Variants in DCTN2 observed in about 807,000 individuals in gnomAD.
The protein encoded by DCTN2 is dynactin subunit 2.
DCTN2 carries 18 observed loss-of-function variants against 55.4 expected under a neutral mutation model. That is an observed-to-expected ratio of 0.32 (90% CI 0.22 to 0.48). The LOEUF is 0.48. Among genes scored for constraint, DCTN2 ranks in the 20% least tolerant of loss-of-function variants. The probability of loss-of-function intolerance (pLI) is 0.99; values close to 1 mark genes in which losing one functional copy is unlikely to be tolerated. For synonymous variants in DCTN2, 168 were observed against 185.2 expected, an observed-to-expected ratio of 0.91 and a Z score of 0.76; for missense variants, 390 against 491.0, an observed-to-expected ratio of 0.79 and a Z score of 1.94.
chr12:57,533,057 T>C (rs1189233997), intron 8 of DCTN2, 35 bp from the exon 9 acceptor site: 2 of 1,580,446 alleles, frequency 1.3e-6, no homozygotes, highest in Non-Finnish European at 1.7e-6. Context: ...TGAGTGGTCC[T>C]TATATCTCCA....
chr12:57,533,928 C>A, intron 7 of DCTN2, 25 bp downstream of exon 7: 1 of 1,580,726 alleles, frequency 6.3e-7, no homozygotes, highest in East Asian at 2.3e-5. Context: ...CTTGGCTTCC[C>A]AACCAACACT....
chr12:57,540,994 T>C (rs1880644791), intron 2 of DCTN2, among the ~76,000 whole-genome samples: 1 of 152,144 alleles, frequency 6.6e-6, no homozygotes. Flanking sequence ...TAGCTAAAAG[T>C]CATTCCATAA....
Position 57,530,611 on chromosome 12 carries a change from A to AAT in DCTN2, c.*77_*78insAT. 2.3e-6 allele frequency: 3 copies of AAT among 1,286,010 alleles called. No individual in the cohort carries two copies. The highest frequency in any genetic ancestry group is 3.3e-6 in the Non-Finnish European group (3 of 903,840). 79.7% of individuals were successfully genotyped at this position (1,286,010 alleles called of 1,614,324 possible). A position where few individuals can be genotyped will look rare whatever the true frequency, so the allele number is the denominator to read the frequency against. On this transcript the variant is annotated 3_prime_UTR_variant, in exon 14 of 14. Transcript: ENST00000548249. ...GGATGGGGATGCTAGAGTTATAGTA[A>AAT]AGGGGAAACCCTATGTAAGCTGTTA...
At chr12:57,546,827 G>A (rs1053954728) in intron 1 of DCTN2, among the ~76,000 whole-genome samples, 2 of 152,226 alleles carry the variant, frequency 1.3e-5, no homozygotes, top group African/African-American at 4.8e-5. Context: ...CGGAAAGGGG[G>A]CCTGGTGCGC....
At chr12:57,536,664 G>A (rs187441640) in intron 2 of DCTN2, among the ~76,000 whole-genome samples, 18 of 152,246 alleles carry the variant, frequency 1.2e-4, no homozygotes, top group African/African-American at 4.3e-4. Flanking sequence ...AAAAACAGGG[G>A]ACACAAGTAG....
In DCTN2 at chr12:57,530,455, G is replaced by T; in HGVS notation, c.*234C>A. The T allele has an allele frequency of 2.1e-6, 1 of 466,308 alleles. No individual in the cohort carries two copies. Among genetic ancestry groups the T allele is most frequent in the African/African-American group, 1.9e-5 (1 of 51,862 alleles). The allele number at this position is 466,308 out of a possible 1,614,324, so 28.9% of individuals were successfully genotyped here. On this transcript the variant is annotated 3_prime_UTR_variant, in exon 14 of 14. Transcript: ENST00000548249. Reference sequence around the variant, plus strand: ...TGAGTTGGCATGTGGCTGGGCCCACGTCCTTATCCCCCAGGCCTGAGGGGA... The same window carrying T: ...TGAGTTGGCATGTGGCTGGGCCCACTTCCTTATCCCCCAGGCCTGAGGGGA...
At chr12:57,535,894 G>T in intron 2 of DCTN2, 49 bp from the exon 3 acceptor site, 1 of 1,427,942 alleles carries the variant, frequency 7.0e-7, no homozygotes, top group South Asian at 1.2e-5. Flanking sequence ...TCCCACTCTA[G>T]AACTTACTCT....
chr12:57,535,135 A>G lies in DCTN2; in HGVS notation c.284T>C (p.Val95Ala), dbSNP rs1399060998. 5 of 1,613,324 alleles carry G rather than the reference A, an allele frequency of 3.1e-6. No individual in the cohort carries two copies. In the South Asian group the frequency reaches 5.5e-5, roughly 18 times the overall value. ...EYEMLGEGLG[V>A]KETPQQKYQR... ...GTACTTTTGCTGGGGTGTCTCCTTCACTCCCAGACCCTCTCCAAGCTAGAG... is the reference window on the plus strand; with the variant it reads ...GTACTTTTGCTGGGGTGTCTCCTTCGCTCCCAGACCCTCTCCAAGCTAGAG... Residue 95 changes from valine (V) to alanine (A), a missense_variant, in exon 5 of 14, where the codon GTG (valine) becomes GCG (alanine). Val to Ala is a moderately conservative substitution (Grantham distance 64, BLOSUM62 0). This residue lies in a region of DCTN2 where 117 missense variants were observed against 187.8 expected (regional missense o/e 0.62). Transcript: ENST00000548249.
rs776644821 is a variant in DCTN2, at chr12:57,533,307, G to A, written c.670-4C>T. 10 of 1,613,856 alleles carry A rather than the reference G, an allele frequency of 6.2e-6. No individual in the cohort carries two copies. The highest frequency in any genetic ancestry group is 2.2e-5 in the East Asian group (1 of 44,884). ...GGCGCTTTTCAAGTTCTGCGACCTA[G>A]TGGGAGGAAGGAGGTGAGATTTGCC... On this transcript the variant is annotated splice_polypyrimidine_tract_variant and splice_region_variant and intron_variant, in intron 7 of 13. Transcript: ENST00000548249.
intron 13 of DCTN2, among the ~76,000 whole-genome samples, chr12:57,531,244 A>G (rs1426539657): frequency 6.6e-6 from 1 of 152,152 alleles, no homozygotes; most frequent in Non-Finnish European, 1.5e-5. Context: ...ACTTGCGGCC[A>G]GGTGCAGTGG....
chr12:57,535,413 C>A, intron 4 of DCTN2, 71 bp downstream of exon 4: 1 of 1,567,228 alleles, frequency 6.4e-7, no homozygotes, highest in African/African-American at 1.4e-5. Flanking sequence ...ATCCCTTGAT[C>A]TCCCTACTAC....
chr12:57,541,016 T>C (rs563653152), intron 2 of DCTN2, among the ~76,000 whole-genome samples: 16 of 152,322 alleles, frequency 1.1e-4, no homozygotes, highest in African/African-American at 3.8e-4. Context: ...AAAATCTTCA[T>C]TTGATCTTAG....
rs1279559272 is a variant in DCTN2 at position 57,533,939 on chromosome 12, G to A, written c.669+14C>T. 1 of 1,599,758 alleles carries A rather than the reference G, an allele frequency of 6.3e-7. No homozygotes were observed. Among genetic ancestry groups the A allele is most frequent in the Middle Eastern group, 1.7e-4 (1 of 5,722 alleles). On this transcript the variant is annotated intron_variant, in intron 7 of 13. Transcript: ENST00000548249. The stretch of plus-strand genomic sequence containing the variant: ...TCCCCTTGGCTTCCCAACCAACACT[G>A]TATCCACACTTACTTTGGCAGCTTG...
chr12:57,546,743 C>A (rs1881197512), intron 1 of DCTN2, among the ~76,000 whole-genome samples: 1 of 152,060 alleles, frequency 6.6e-6, no homozygotes, highest in East Asian at 1.9e-4. Context: ...GGCGTTGACA[C>A]GGATGGTGGA....
In DCTN2 at chr12:57,530,558, G is replaced by T. The variant is rs1328510557; in HGVS notation, c.*131C>A. 3 of 790,474 alleles carry T rather than the reference G, an allele frequency of 3.8e-6. No individual in the cohort carries two copies. The highest frequency in any genetic ancestry group is 2.6e-5 in the East Asian group (1 of 38,900). The allele number at this position is 790,474 out of a possible 1,614,324, so 49.0% of individuals were successfully genotyped here. On this transcript the variant is annotated 3_prime_UTR_variant, in exon 14 of 14. Coordinates refer to ENST00000548249, the MANE Select transcript of DCTN2 (RefSeq NM_001261413.2). ...GGAGGGGTATAAACCCCACATGCAA[G>T]AAGAACCCTTGCCCCCAGTGTCAAA...
At position 57,534,388 on chromosome 12, in the gene DCTN2, G is replaced by A; in HGVS notation, c.428C>T (p.Ala143Val). 1 of 1,612,744 alleles carries A rather than the reference G, an allele frequency of 6.2e-7. No individual in the cohort carries two copies. The highest frequency in any genetic ancestry group is 8.5e-7 in the Non-Finnish European group (1 of 1,179,122). The change falls in exon 6 of 14, where the codon GCA (alanine) becomes GTA (valine). Residue 143 changes from alanine (A) to valine (V), a missense_variant. By Grantham distance (64) the Ala-to-Val change is moderately conservative (BLOSUM62 0). Around this residue, in one of 2 missense-constraint regions of DCTN2, gnomAD observed 117 missense variants for 187.8 expected, o/e 0.62. Transcript: ENST00000548249. ...LTPVLLAKQL[A>V]ALKQQLVASH... ...AGCAACCAGCTGCTGCTTCAGGGCT[G>A]CCAGCTGTTTAGCCAGCAACACAGG... is the stretch of plus-strand genomic sequence containing the variant.
At chr12:57,541,253 A>G (rs766672045) in intron 2 of DCTN2, 47 of 1,306,652 alleles carry the variant, frequency 3.6e-5, no homozygotes, top group Non-Finnish European at 4.6e-5. Context: ...CCAGCCAGGG[A>G]CTCACTGGAA....
At chr12:57,538,097 G>A (rs1880390799) in intron 2 of DCTN2, among the ~76,000 whole-genome samples, 2 of 152,220 alleles carry the variant, frequency 1.3e-5, no homozygotes, top group Non-Finnish European at 2.9e-5. Flanking sequence ...TATGCAGATG[G>A]AACCTACTTT....
At chr12:57,531,526 A>G (rs1457358637) in intron 13 of DCTN2, among the ~76,000 whole-genome samples, 1 of 152,168 alleles carries the variant, frequency 6.6e-6, no homozygotes, top group African/African-American at 2.4e-5. Flanking sequence ...TAAAAATAAA[A>G]AACAATAAGA....
Sources: gnomAD v4.1 joint callset for allele counts (sites outside exome capture counted in the v4.1 genomes callset) on GRCh38, gnomAD v4.1.1 for gene constraint, gnomAD v4.1.1 regional missense constraint, MANE v1.5 for transcripts, NCBI Gene and HGNC (gene_info 2026-07-23, HGNC 2026-07-21) for gene names.